HDAC9: variants seen among roughly 807,000 people sequenced by gnomAD.
HDAC9 encodes histone deacetylase 9, also known as MEF-2 interacting transcription repressor (MITR) protein.
A neutral mutation model predicts 139.4 loss-of-function variants in HDAC9; 41 were observed. That is an observed-to-expected ratio of 0.29 (90% CI 0.23 to 0.38). The LOEUF is 0.38. Among genes scored for constraint, HDAC9 ranks in the 10% least tolerant of loss-of-function variants. The probability of loss-of-function intolerance (pLI) is 1.00; values close to 1 mark genes in which losing one functional copy is unlikely to be tolerated. For missense variants in HDAC9, 1,147 were observed against 1,297.0 expected (o/e 0.88, Z 1.78); for synonymous variants, 517 against 476.2 (o/e 1.09, Z -1.12).
At chr7:18,505,108 T>C (rs750813087) in intron 2 of HDAC9, among the ~76,000 whole-genome samples, 1 of 152,168 alleles carries the variant, frequency 6.6e-6, no homozygotes, top group Non-Finnish European at 1.5e-5. Flanking sequence ...TGAGAGGAGC[T>C]TAAGGAAACC....
In HDAC9 at chr7:18,820,046, A is replaced by G. The variant is rs144206922; in HGVS notation, c.2323-9115A>G. On this transcript the variant is annotated intron_variant, in intron 17 of 25. Transcript: ENST00000686413. ...CAATCTAAGATGCTCATAAGTTTAA[A>G]AAGGTTAAATATGAATATATTCCCT... Among the ~76,000 whole-genome samples the G allele has an allele frequency of 2.6e-5, 4 of 152,332 alleles. No individual in the cohort carries two copies. In the East Asian group the frequency reaches 7.7e-4, roughly 29 times the overall value.
At chr7:18,442,115 T>C (rs1791834360) in intron 1 of HDAC9, among the ~76,000 whole-genome samples, 1 of 152,144 alleles carries the variant, frequency 6.6e-6, no homozygotes, top group Non-Finnish European at 1.5e-5. Flanking sequence ...GAGGGGAAAT[T>C]AGTTTTCACA....
intron 22 of HDAC9, among the ~76,000 whole-genome samples, chr7:18,903,254 G>T (rs1801896031): frequency 6.6e-6 from 1 of 152,226 alleles, no homozygotes; most frequent in African/African-American, 2.4e-5. Context: ...ATGACTTTAG[G>T]CAAGTTGTTA....
chr7:18,175,421 G>A (rs1429511414), intron 2 of HDAC9, among the ~76,000 whole-genome samples: 1 of 152,220 alleles, frequency 6.6e-6, no homozygotes, highest in Non-Finnish European at 1.5e-5. Context: ...TCCCAGGTGA[G>A]GTGATGCCCT....
chr7:18,429,103 A>G (rs956602612), intron 1 of HDAC9: 1 of 152,050 alleles, frequency 6.6e-6, no homozygotes, highest in African/African-American at 2.4e-5. Flanking sequence ...CTTATCACCA[A>G]CTAGCAAGGC....
chr7:18,681,536 T>G (rs941650632), intron 12 of HDAC9, among the ~76,000 whole-genome samples: 24 of 152,056 alleles, frequency 1.6e-4, no homozygotes, highest in African/African-American at 5.5e-4. Flanking sequence ...GTATAGGAAC[T>G]TGATTTGCAA....
intron 2 of HDAC9, among the ~76,000 whole-genome samples, chr7:18,530,068 A>G (rs1417676376): frequency 6.6e-6 from 1 of 151,974 alleles, no homozygotes; most frequent in African/African-American, 2.4e-5. Context: ...CCCAAGTTCA[A>G]GTGGAGTTTG....
intron 6 of HDAC9, among the ~76,000 whole-genome samples, chr7:18,599,700 A>G (rs1833427639): frequency 6.6e-6 from 1 of 152,192 alleles, no homozygotes; most frequent in Admixed American, 6.5e-5. Flanking sequence ...TTTGAAGGAC[A>G]TTTTTGTTGC....
intron 22 of HDAC9, among the ~76,000 whole-genome samples, chr7:18,884,517 C>T (rs745464110): frequency 2.6e-5 from 4 of 152,050 alleles, no homozygotes; most frequent in Admixed American, 6.6e-5. Context: ...ATTAGACCCT[C>T]GTCTTATACC....
chr7:18,351,390 C>A (rs1269658341), intron 1 of HDAC9, among the ~76,000 whole-genome samples: 1 of 152,080 alleles, frequency 6.6e-6, no homozygotes, highest in Non-Finnish European at 1.5e-5. Context: ...ATTTTGATCT[C>A]CCAGAGTTTT....
intron 1 of HDAC9, among the ~76,000 whole-genome samples, chr7:18,404,940 C>T (rs1398957168): frequency 6.6e-6 from 1 of 152,202 alleles, no homozygotes; most frequent in Admixed American, 6.5e-5. Context: ...GGAACCAGCC[C>T]TGGGCAGGAC....
intron 1 of HDAC9, among the ~76,000 whole-genome samples, chr7:18,154,854 G>A (rs539696010): frequency 2.1e-4 from 32 of 152,318 alleles, no homozygotes; most frequent in African/African-American, 7.2e-4. Context: ...ATGCCTCCAC[G>A]CAGGTGAGGT....
At chr7:18,622,626 G>C (rs1317761295) in intron 6 of HDAC9, among the ~76,000 whole-genome samples, 1 of 151,534 alleles carries the variant, frequency 6.6e-6, no homozygotes, top group Non-Finnish European at 1.5e-5. Context: ...CCGGCCTAAA[G>C]AAACATTTAT....
chr7:18,209,927 C>T (rs925098599), intron 2 of HDAC9, among the ~76,000 whole-genome samples: 5 of 152,090 alleles, frequency 3.3e-5, no homozygotes, highest in South Asian at 2.1e-4. Flanking sequence ...GTCTCGATCT[C>T]CTGACCTCGT....
chr7:18,715,464 T>C (rs1355900321), intron 12 of HDAC9, among the ~76,000 whole-genome samples: 2 of 152,114 alleles, frequency 1.3e-5, no homozygotes, highest in Non-Finnish European at 2.9e-5. Context: ...AGAGATAAAG[T>C]CAAACTTTTC....
intron 6 of HDAC9, among the ~76,000 whole-genome samples, chr7:18,624,333 T>G (rs1443953600): frequency 6.6e-6 from 1 of 152,164 alleles, no homozygotes; most frequent in African/African-American, 2.4e-5. Flanking sequence ...ATATTTTCTT[T>G]TAGGTGAGAA....
intron 14 of HDAC9, among the ~76,000 whole-genome samples, chr7:18,753,337 G>A (rs551318738): frequency 1.3e-5 from 2 of 152,188 alleles, no homozygotes; most frequent in African/African-American, 2.4e-5. Context: ...CAGCATCAGT[G>A]GGGCCCTGTG....
chr7:18,111,219 A>G (rs1461134682), intron 1 of HDAC9, among the ~76,000 whole-genome samples: 1 of 152,230 alleles, frequency 6.6e-6, no homozygotes, highest in Non-Finnish European at 1.5e-5. Flanking sequence ...AAGGGGACCT[A>G]ACTCATAAGG....
chr7:18,133,978 C>T (rs1785212048), intron 1 of HDAC9, among the ~76,000 whole-genome samples: 1 of 147,910 alleles, frequency 6.8e-6, no homozygotes, highest in Non-Finnish European at 1.5e-5. Context: ...TTTCATCCAT[C>T]TATTTTTTTT....
Sources: gnomAD v4.1 joint callset for allele counts (sites outside exome capture counted in the v4.1 genomes callset) on GRCh38, gnomAD v4.1.1 for gene constraint, MANE v1.5 for transcripts, NCBI Gene and HGNC (gene_info 2026-07-23, HGNC 2026-07-21) for gene names.